OCM2: variants seen among roughly 807,000 people sequenced by gnomAD.
OCM2 encodes the protein oncomodulin-2.
In OCM2, 6 loss-of-function variants were observed where a neutral mutation model predicts 13.6. That is an observed-to-expected ratio of 0.44 (90% CI 0.24 to 0.87). The LOEUF is 0.87. OCM2 is among the 40% of genes least tolerant of loss of function. OCM2 has a pLI of 0.22. For synonymous variants in OCM2, 40 were observed against 50.7 expected, an observed-to-expected ratio of 0.79 and a Z score of 0.90; for missense variants, 118 against 136.8, an observed-to-expected ratio of 0.86 and a Z score of 0.68.
intron 1 of OCM2, 29 bp downstream of exon 1, chr7:97,990,015 A>AGGGGGC: frequency 2.6e-5 from 20 of 780,786 alleles, no homozygotes; most frequent in Non-Finnish European, 4.1e-5. Flanking sequence ...CTGTGAGGAA[A>AGGGGGC]TCCCACCCCC....
intron 3 of OCM2, among the ~76,000 whole-genome samples, chr7:97,985,431 A>AAAAGAAAGAAAGAAAGAAAGAAAGAAAG (rs1554366491): frequency 1.6e-4 from 21 of 131,550 alleles, no homozygotes; most frequent in African/African-American, 5.4e-4. Flanking sequence ...AAAAAAAAAA[A>AAAAGAAAGAAAGAAAGAAAGAAAGAAAG]AAAGAAAGAA....
intron 1 of OCM2, among the ~76,000 whole-genome samples, chr7:97,988,873 G>A (rs2116140595): frequency 6.6e-6 from 1 of 152,080 alleles, no homozygotes; most frequent in East Asian, 1.9e-4. Context: ...CTAATTGGTA[G>A]GGGGAAATGC....
rs554894861 is a variant in OCM2, at chr7:97,987,028, C to T, written c.304+19G>A. 19 of 1,611,458 alleles carry T rather than the reference C, an allele frequency of 1.2e-5. No homozygotes were observed. Among genetic ancestry groups the T allele is most frequent in the African/African-American group, 4.0e-5 (3 of 74,996 alleles). On this transcript the variant is annotated intron_variant, in intron 3 of 3. Coordinates refer to ENST00000257627, the Ensembl canonical transcript of OCM2. ...TCCTGAGCTAGAGTGTTTTATGCTACGTACACGTGTGGACATACCCTCTGC... is the reference window on the plus strand; with the variant it reads ...TCCTGAGCTAGAGTGTTTTATGCTATGTACACGTGTGGACATACCCTCTGC...
chr7:97,988,658 C>A, intron 1 of OCM2, 110 bp from the exon 2 acceptor site: 2 of 1,396,280 alleles, frequency 1.4e-6, no homozygotes, highest in Non-Finnish European at 2.0e-6. Context: ...TATCCCTGAG[C>A]TACGGGGATG....
intron 2 of OCM2, among the ~76,000 whole-genome samples, chr7:97,987,553 T>A (rs1183990743): frequency 6.6e-6 from 1 of 152,110 alleles, no homozygotes; most frequent in African/African-American, 2.4e-5. Context: ...TTTTGTCATG[T>A]TGCCCAGACT....
At chr7:97,989,386 CTTATTTAT>C (rs55906293) in intron 1 of OCM2, among the ~76,000 whole-genome samples, 6 of 145,180 alleles carry the variant, frequency 4.1e-5, no homozygotes, top group African/African-American at 1.3e-4. Context: ...CTCTTATTTA[CTTATTTAT>C]TTATTTATTT....
At chr7:97,987,542 G>T (rs899553928) in intron 2 of OCM2, among the ~76,000 whole-genome samples, 1 of 151,974 alleles carries the variant, frequency 6.6e-6, no homozygotes, top group African/African-American at 2.4e-5. Context: ...TAGAGACAAG[G>T]TTTTGTCATG....
chr7:97,988,934 T>TTTC (rs34688169), intron 1 of OCM2, among the ~76,000 whole-genome samples: 862 of 47,828 alleles, frequency 0.018, 4 homozygotes, highest in African/African-American at 0.1. Flanking sequence ...TCTTTCTTTC[T>TTTC]TTTTTTTTTT....
At chr7:97,990,014 AATC>A in intron 1 of OCM2, 27 bp downstream of exon 1, 1 of 1,385,022 alleles carries the variant, frequency 7.2e-7, no homozygotes, top group Non-Finnish European at 1.0e-6. Flanking sequence ...GCTGTGAGGA[AATC>A]CCACCCCCGC....
At chr7:97,988,122 C>T (rs1184608513) in intron 2 of OCM2, among the ~76,000 whole-genome samples, 5 of 151,750 alleles carry the variant, frequency 3.3e-5, no homozygotes, top group Admixed American at 6.6e-5. Flanking sequence ...GTTTGGAAGG[C>T]GGAGGCTGCA....
Position 97,988,407 on chromosome 7 carries a change from A to G in OCM2, c.194+9T>C, listed in dbSNP as rs1794693687. On this transcript the variant is annotated intron_variant, in intron 2 of 3. Coordinates refer to ENST00000257627, the Ensembl canonical transcript of OCM2. The stretch of plus-strand genomic sequence containing the variant: ...GCCAGGTACCAGACAGCCTCAGGAC[A>G]AAGCTTACTTAAGCTCTTCTTCATC... 1.2e-6 allele frequency: 2 copies of G among 1,613,998 alleles called. No homozygotes were observed. Among genetic ancestry groups the G allele is most frequent in the African/African-American group, 1.3e-5 (1 of 74,920 alleles).
chr7:97,986,043 G>C lies in OCM2; in HGVS notation c.304+1004C>G, dbSNP rs565286033. 3.3e-5 allele frequency among the ~76,000 whole-genome samples: 5 copies of C among 152,186 alleles called. No individual in the cohort carries two copies. The East Asian group carries it at 9.7e-4, about 29-fold the overall frequency. ...TTCTCCTGCCTCAGCTTCCCGAGTA[G>C]TTGGGATTACAGGTGCCCACCACCA... On this transcript the variant is annotated intron_variant, in intron 3 of 3. Transcript: ENST00000257627.
exon 4 of OCM2, chr7:97,984,726 G>A (rs1454088729): frequency 3.7e-6 from 2 of 544,782 alleles, no homozygotes; most frequent in Non-Finnish European, 6.6e-6. Context: ...TAGAGGCATT[G>A]CCTGTTGGGG....
At chr7:97,989,912 C>A (rs1794715074) in intron 1 of OCM2, 132 bp downstream of exon 1, 1 of 797,046 alleles carries the variant, frequency 1.3e-6, no homozygotes, top group South Asian at 1.7e-5. Context: ...CCCACCTCAG[C>A]CTCCCAAAGT....
chr7:97,985,624 CCTGTGACCAT>C (rs1337583447), intron 3 of OCM2, among the ~76,000 whole-genome samples: 1 of 152,084 alleles, frequency 6.6e-6, no homozygotes, highest in African/African-American at 2.4e-5. Flanking sequence ...ACTGTAATTA[CCTGTGACCAT>C]CTGTGAACAT....
At chr7:97,988,196 A>G (rs1794691273) in intron 2 of OCM2, among the ~76,000 whole-genome samples, 2 of 151,996 alleles carry the variant, frequency 1.3e-5, no homozygotes, top group South Asian at 4.2e-4. Context: ...CTCAAAAAAA[A>G]AAAAGAATCT....
chr7:97,989,074 G>T (rs1317424283), intron 1 of OCM2, among the ~76,000 whole-genome samples: 3 of 151,734 alleles, frequency 2.0e-5, no homozygotes, highest in Non-Finnish European at 4.4e-5. Flanking sequence ...GGGATTACAG[G>T]CATGCACCCC....
exon 1 of OCM2, chr7:97,990,071 T>G: frequency 7.1e-7 from 1 of 1,409,276 alleles, no homozygotes; most frequent in Non-Finnish European, 9.6e-7. Flanking sequence ...GCTGCTGCAA[T>G]GTCATCAGCA....
At chr7:97,987,338 T>TTTTGTTTG (rs1196524754) in intron 2 of OCM2, among the ~76,000 whole-genome samples, 182 bp from the exon 3 acceptor site, 3 of 151,986 alleles carry the variant, frequency 2.0e-5, no homozygotes, top group Admixed American at 2.0e-4. Flanking sequence ...ATTTTTAAGG[T>TTTTGTTTG]TTTGTTTGTT....
Sources: allele counts gnomAD v4.1 joint callset (sites outside exome capture counted in the v4.1 genomes callset), GRCh38; gene constraint gnomAD v4.1.1; transcripts MANE v1.5; gene names NCBI Gene and HGNC (gene_info 2026-07-23, HGNC 2026-07-21).